The following C2CD2 variants were observed in gnomAD, a reference collection of about 807,000 sequenced individuals.
The protein encoded by C2CD2 is C2 domain-containing protein 2.
A neutral mutation model predicts 74.3 loss-of-function variants in C2CD2; 43 were observed. The ratio of observed to expected loss-of-function variants is 0.58; its 90% confidence interval spans 0.45 to 0.75. The LOEUF is 0.75. Among genes scored for constraint, C2CD2 ranks in the 30% least tolerant of loss-of-function variants. C2CD2 has a pLI of 0.00. For missense variants in C2CD2, 801 were observed against 916.3 expected (o/e 0.87, Z 1.63); for synonymous variants, 422 against 390.7 (o/e 1.08, Z -0.94).
At chr21:41,909,406 G>A in intron 8 of C2CD2, 53 bp downstream of exon 8, 2 of 1,215,890 alleles carry the variant, frequency 1.6e-6, no homozygotes, top group Non-Finnish European at 2.4e-6. Flanking sequence ...CCGAGGTCAT[G>A]CAGCGGAGGA....
intron 11 of C2CD2, among the ~76,000 whole-genome samples, chr21:41,902,449 C>T (rs918122841): frequency 5.9e-5 from 9 of 152,200 alleles, no homozygotes; most frequent in African/African-American, 2.2e-4. Context: ...TTCCACACCC[C>T]ATGAGCAGGT....
intron 13 of C2CD2, among the ~76,000 whole-genome samples, chr21:41,896,649 T>C (rs968234892): frequency 7.3e-6 from 1 of 137,444 alleles, no homozygotes; most frequent in Admixed American, 7.9e-5. Flanking sequence ...ACACAGGCAC[T>C]CTCAGAAACC....
At position 41,932,541 on chromosome 21, in the gene C2CD2, T is replaced by C. The variant is rs186423793; in HGVS notation, c.378+9606A>G. ...CCTAGCCCTGGGCCTTTGGGATCTG[T>C]GTTAAGTCTGAGTAATGTCAGAATG... On this transcript the variant is annotated intron_variant, in intron 2 of 13. Transcript: ENST00000380486. 5.9e-4 allele frequency among the ~76,000 whole-genome samples: 88 copies of C among 150,424 alleles called. 7 individuals are homozygous for C. The East Asian group carries it at 0.014, about 24-fold the overall frequency.
chr21:41,953,168 A>G (rs1423541617), intron 1 of C2CD2: 1 of 403,718 alleles, frequency 2.5e-6, no homozygotes, highest in East Asian at 3.6e-5. Context: ...TTTGGAGAAT[A>G]AAATCAATCA....
chr21:41,891,758 C>A (rs1021351673), intron 13 of C2CD2, among the ~76,000 whole-genome samples: 10 of 152,130 alleles, frequency 6.6e-5, no homozygotes, highest in Non-Finnish European at 1.2e-4. Flanking sequence ...AACGTCACCC[C>A]CTTCACTTCT....
chr21:41,908,243 T>TTCTGTGTGTGTGTG, intron 8 of C2CD2: 1 of 167,382 alleles, frequency 6.0e-6, no homozygotes, highest in Non-Finnish European at 1.2e-5. Context: ...TACCCTCAAG[T>TTCTGTGTGTGTGTG]TGTGTGTGTG....
intron 13 of C2CD2, among the ~76,000 whole-genome samples, chr21:41,893,489 CG>C (rs2064781960): frequency 6.6e-6 from 1 of 152,152 alleles, no homozygotes; most frequent in African/African-American, 2.4e-5. Context: ...AAGATTCGCA[CG>C]GCATGTTTGT....
At chr21:41,949,538 G>C (rs2065432856) in intron 1 of C2CD2, among the ~76,000 whole-genome samples, 1 of 152,172 alleles carries the variant, frequency 6.6e-6, no homozygotes, top group African/African-American at 2.4e-5. Context: ...TTACACTGTT[G>C]GTGGGAGTGT....
At position 41,924,764 on chromosome 21, in the gene C2CD2, G is replaced by A. The variant is rs1016896026; in HGVS notation, c.379-2679C>T. ...CTGAGCACTGCATAATTCCTCTGGA[G>A]CCTTCTCTACTAAGCTAATCAGCAT... On this transcript the variant is annotated intron_variant, in intron 2 of 13. Transcript: ENST00000380486. The surrounding 1 kb of genome is among the most constrained non-coding windows in gnomAD (Gnocchi z 4.4). Among the ~76,000 whole-genome samples the A allele has an allele frequency of 1.3e-5, 2 of 152,050 alleles. No homozygotes were observed. The highest frequency in any genetic ancestry group is 2.9e-5 in the Non-Finnish European group (2 of 68,006).
chr21:41,944,064 G>T (rs1325794134), intron 1 of C2CD2, among the ~76,000 whole-genome samples: 1 of 152,214 alleles, frequency 6.6e-6, no homozygotes, highest in African/African-American at 2.4e-5. Flanking sequence ...CATGCCAGCC[G>T]CTCGGAGGAT....
intron 2 of C2CD2, among the ~76,000 whole-genome samples, chr21:41,927,151 C>T (rs923904439): frequency 2.0e-5 from 3 of 152,188 alleles, no homozygotes; most frequent in Admixed American, 6.5e-5. Flanking sequence ...TCAAAATAAA[C>T]GGCTAAAGAT....
At position 41,924,921 on chromosome 21, in the gene C2CD2, G is replaced by C. The variant is rs1601588233; in HGVS notation, c.379-2836C>G. 6.6e-6 allele frequency among the ~76,000 whole-genome samples: 1 copy of C among 152,248 alleles called. No individual in the cohort carries two copies. The highest frequency in any genetic ancestry group is 2.1e-4 in the South Asian group (1 of 4,822). On this transcript the variant is annotated intron_variant, in intron 2 of 13. Transcript: ENST00000380486. This position sits in a 1 kb window ranked among gnomAD's most constrained non-coding sequence, Gnocchi z 4.4. ...CAGAGAACCAAGCACTTGATTAAAA[G>C]CAAGCAAATAAATAAGTAAATAGAT... is the stretch of plus-strand genomic sequence containing the variant.
chr21:41,925,136 T>G (rs941102898), intron 2 of C2CD2, among the ~76,000 whole-genome samples: 3 of 152,118 alleles, frequency 2.0e-5, no homozygotes, highest in Non-Finnish European at 4.4e-5. Context: ...AAACCTACAG[T>G]GCAGACCAAG....
intron 13 of C2CD2, among the ~76,000 whole-genome samples, chr21:41,889,685 C>A (rs2064727013): frequency 6.6e-6 from 1 of 151,114 alleles, no homozygotes; most frequent in African/African-American, 2.4e-5. Flanking sequence ...CCAGGCTGGA[C>A]TGCAGTGGCG....
At position 41,895,505 on chromosome 21, in the gene C2CD2, A is replaced by G. The variant is rs1474220043; in HGVS notation, c.1870+3548T>C. On this transcript the variant is annotated intron_variant, in intron 13 of 13. Coordinates refer to ENST00000380486, the MANE Select transcript of C2CD2 (RefSeq NM_015500.2). The surrounding 1 kb of genome is among the most constrained non-coding windows in gnomAD (Gnocchi z 5.0). The stretch of plus-strand genomic sequence containing the variant: ...GCCAACAGCAAGAAGCGAGATTTAG[A>G]CCTCACCCACAACCTTCAAGATTCC... 6.6e-6 allele frequency among the ~76,000 whole-genome samples: 1 copy of G among 152,142 alleles called. No individual in the cohort carries two copies. The highest frequency in any genetic ancestry group is 2.4e-5 in the African/African-American group (1 of 41,426).
chr21:41,938,184 T>TAA (rs1420126012), intron 2 of C2CD2, among the ~76,000 whole-genome samples: 3 of 151,932 alleles, frequency 2.0e-5, no homozygotes, highest in African/African-American at 7.2e-5. Context: ...TATATATATA[T>TAA]AAACATCATG....
chr21:41,901,727 C>G lies in C2CD2; in HGVS notation c.1455G>C (p.Ser485=), dbSNP rs371761049. 5 of 1,613,860 alleles carry G rather than the reference C, an allele frequency of 3.1e-6. No individual in the cohort carries two copies. Among genetic ancestry groups the G allele is most frequent in the Non-Finnish European group, 4.2e-6 (5 of 1,179,866 alleles). The change falls in exon 12 of 14, where the codon TCG becomes TCC. Residue 485 remains serine, a synonymous_variant. Transcript: ENST00000380486. ...SDTELLVLNG[S]DPVAEVAIRQ... Reference sequence around the variant, plus strand: ...GAATGGCCACTTCAGCCACTGGATCCGAACCATTCAACACCAACAATTCTA... The same window carrying G: ...GAATGGCCACTTCAGCCACTGGATCGGAACCATTCAACACCAACAATTCTA...
Position 41,912,361 on chromosome 21 carries a change from C to A in C2CD2, c.924G>T (p.Pro308=). Residue 308 remains proline (P), a synonymous_variant, in exon 7 of 14, where the codon CCG becomes CCT. Coordinates refer to ENST00000380486, the MANE Select transcript of C2CD2 (RefSeq NM_015500.2). ...TGAATTCCTCTTCCCACATGAGGTC[C>A]GGAGTGTTTTTCGTCAGGGTGCTGG... ...RFSSTLTKNT[P]DLMWEEEFTF... is the part of the protein sequence containing the mutation. 1 of 1,612,010 alleles carries A rather than the reference C, an allele frequency of 6.2e-7. No homozygotes were observed. Among genetic ancestry groups the A allele is most frequent in the Non-Finnish European group, 8.5e-7 (1 of 1,179,418 alleles).
At chr21:41,922,231 T>C in intron 2 of C2CD2, 146 bp from the exon 3 acceptor site, 1 of 589,958 alleles carries the variant, frequency 1.7e-6, no homozygotes, top group Non-Finnish European at 3.0e-6. Context: ...CGATCTCAGC[T>C]CACTGCAACC....
Sources: allele counts gnomAD v4.1 joint callset (sites outside exome capture counted in the v4.1 genomes callset), GRCh38; gene constraint gnomAD v4.1.1; non-coding constraint Gnocchi (gnomAD v3.1); transcripts MANE v1.5; gene names NCBI Gene and HGNC (gene_info 2026-07-23, HGNC 2026-07-21).